The following ROBO2 variants were observed in gnomAD, a reference collection of about 807,000 sequenced individuals.
The protein encoded by ROBO2 is roundabout homolog 2.
ROBO2 carries 53 observed loss-of-function variants against 160.8 expected under a neutral mutation model. That is an observed-to-expected ratio of 0.33 (90% CI 0.26 to 0.41). The LOEUF is 0.41. Ranked by LOEUF, ROBO2 falls within the 10% of genes least tolerant of loss-of-function variation. The probability of loss-of-function intolerance (pLI) is 1.00; values close to 1 mark genes in which losing one functional copy is unlikely to be tolerated. For synonymous variants in ROBO2, 664 were observed against 611.7 expected, an observed-to-expected ratio of 1.09 and a Z score of -1.26; for missense variants, 1,577 against 1,722.4, an observed-to-expected ratio of 0.92 and a Z score of 1.49.
At chr3:76,825,887 G>C (rs561324776) in intron 2 of ROBO2, among the ~76,000 whole-genome samples, 1 of 151,896 alleles carries the variant, frequency 6.6e-6, no homozygotes, top group Non-Finnish European at 1.5e-5. Flanking sequence ...TACAAAAAAA[G>C]CATTTCTCTT....
intron 2 of ROBO2, among the ~76,000 whole-genome samples, chr3:76,462,859 T>C (rs1167025515): frequency 5.3e-5 from 8 of 152,194 alleles, no homozygotes; most frequent in African/African-American, 1.4e-4. Context: ...CTTCTTTGAA[T>C]CAGTTTTTGG....
chr3:77,278,926 G>C (rs933848728), intron 2 of ROBO2, among the ~76,000 whole-genome samples: 1 of 152,030 alleles, frequency 6.6e-6, no homozygotes, highest in Non-Finnish European at 1.5e-5. Flanking sequence ...TCGTAATCAT[G>C]GTAACAGCTG....
intron 2 of ROBO2, among the ~76,000 whole-genome samples, chr3:76,173,216 G>A (rs566918329): frequency 6.6e-6 from 1 of 151,682 alleles, no homozygotes; most frequent in South Asian, 2.1e-4. Context: ...ATATATATGT[G>A]TGTGAGTATA....
chr3:76,626,397 C>G (rs1444268560), intron 2 of ROBO2, among the ~76,000 whole-genome samples: 1 of 151,964 alleles, frequency 6.6e-6, no homozygotes, highest in Non-Finnish European at 1.5e-5. Flanking sequence ...AGAGAAGACA[C>G]AGAGCAAAAC....
intron 2 of ROBO2, among the ~76,000 whole-genome samples, chr3:76,442,269 A>C (rs1180562741): frequency 6.6e-6 from 1 of 152,184 alleles, no homozygotes; most frequent in African/African-American, 2.4e-5. Flanking sequence ...CATCTGCGTC[A>C]AAAACTGCCC....
intron 2 of ROBO2, among the ~76,000 whole-genome samples, chr3:76,793,979 A>T (rs541345597): frequency 6.6e-5 from 10 of 152,032 alleles, no homozygotes; most frequent in Admixed American, 2.6e-4. Context: ...CCTTCTTGAA[A>T]GTCTTTTTAT....
intron 2 of ROBO2, among the ~76,000 whole-genome samples, chr3:76,618,565 G>A (rs1028979345): frequency 1.3e-5 from 2 of 151,176 alleles, no homozygotes; most frequent in African/African-American, 4.9e-5. Flanking sequence ...AAACACTTTT[G>A]TCTGTGACTC....
intron 2 of ROBO2, among the ~76,000 whole-genome samples, chr3:76,645,907 T>G (rs908538341): frequency 1.3e-5 from 2 of 152,190 alleles, no homozygotes; most frequent in Non-Finnish European, 2.9e-5. Context: ...CAAGGAGCTG[T>G]CCATTGTATA....
chr3:77,361,847 T>G (rs535446539), intron 2 of ROBO2, among the ~76,000 whole-genome samples: 1 of 152,242 alleles, frequency 6.6e-6, no homozygotes, highest in East Asian at 1.9e-4. Context: ...ATTTCAATGA[T>G]TAGAGAGGGA....
intron 2 of ROBO2, among the ~76,000 whole-genome samples, chr3:77,314,723 G>A (rs1174567969): frequency 6.6e-6 from 1 of 152,106 alleles, no homozygotes; most frequent in East Asian, 1.9e-4. Flanking sequence ...TGACAAGATT[G>A]TACACAAGGC....
chr3:76,673,254 G>A (rs1368035894), intron 2 of ROBO2, among the ~76,000 whole-genome samples: 1 of 152,136 alleles, frequency 6.6e-6, no homozygotes, highest in Non-Finnish European at 1.5e-5. Flanking sequence ...CAATGACAAA[G>A]TCTTATGGGC....
chr3:76,250,857 A>G (rs908029980), intron 2 of ROBO2, among the ~76,000 whole-genome samples: 3 of 152,086 alleles, frequency 2.0e-5, no homozygotes, highest in Non-Finnish European at 4.4e-5. Flanking sequence ...TGATATTTCA[A>G]AACATCATAT....
intron 2 of ROBO2, among the ~76,000 whole-genome samples, chr3:76,994,968 AC>A (rs1474534725): frequency 6.6e-6 from 1 of 151,864 alleles, no homozygotes; most frequent in Non-Finnish European, 1.5e-5. Context: ...TTTTTATTAT[AC>A]TTTAAGTTCT....
intron 2 of ROBO2, among the ~76,000 whole-genome samples, chr3:76,473,325 C>A (rs1268434753): frequency 3.3e-5 from 5 of 152,106 alleles, no homozygotes; most frequent in Non-Finnish European, 7.4e-5. Flanking sequence ...TTCCTTGAGC[C>A]AATAGAACAA....
At chr3:76,439,547 C>A (rs1271109834) in intron 2 of ROBO2, among the ~76,000 whole-genome samples, 2 of 152,070 alleles carry the variant, frequency 1.3e-5, no homozygotes, top group Non-Finnish European at 1.5e-5. Flanking sequence ...GATCTCCAGG[C>A]AGAGAAGCAT....
intron 2 of ROBO2, among the ~76,000 whole-genome samples, chr3:76,215,001 C>G (rs1288184497): frequency 1.3e-5 from 2 of 152,180 alleles, no homozygotes; most frequent in Non-Finnish European, 2.9e-5. Flanking sequence ...ATTTGAGGCT[C>G]ACCAATATCT....
intron 2 of ROBO2, among the ~76,000 whole-genome samples, chr3:76,491,646 T>C (rs936742951): frequency 2.0e-5 from 3 of 152,234 alleles, no homozygotes; most frequent in Non-Finnish European, 4.4e-5. Context: ...TATACCTATA[T>C]TGAAAATTTT....
intron 2 of ROBO2, among the ~76,000 whole-genome samples, chr3:77,167,027 A>G (rs1416900957): frequency 2.6e-5 from 4 of 152,210 alleles, no homozygotes; most frequent in Admixed American, 6.5e-5. Context: ...AGGAGGTACC[A>G]AATGGTGATA....
At chr3:77,125,257 A>G (rs755998333) in intron 2 of ROBO2, among the ~76,000 whole-genome samples, 2 of 152,170 alleles carry the variant, frequency 1.3e-5, no homozygotes, top group Non-Finnish European at 2.9e-5. Context: ...TCACAGTCAC[A>G]TGAGTGTCTG....
Sources: allele counts gnomAD v4.1 joint callset (sites outside exome capture counted in the v4.1 genomes callset), GRCh38; gene constraint gnomAD v4.1.1; transcripts MANE v1.5; gene names NCBI Gene and HGNC (gene_info 2026-07-23, HGNC 2026-07-21).